CDH4: variants seen among roughly 807,000 people sequenced by gnomAD.
The protein encoded by CDH4 is cadherin 4.
CDH4 carries 33 observed loss-of-function variants against 86.0 expected under a neutral mutation model. That is an observed-to-expected ratio of 0.38 (90% CI 0.29 to 0.51). The LOEUF (loss-of-function observed/expected upper bound fraction) is 0.51. Ranked by LOEUF, CDH4 falls within the 20% of genes least tolerant of loss-of-function variation. The pLI is 0.86. For synonymous variants in CDH4, 555 were observed against 549.4 expected (o/e 1.01, Z -0.14); for missense variants, 1,114 against 1,307.4 (o/e 0.85, Z 2.28).
intron 2 of CDH4, among the ~76,000 whole-genome samples, chr20:61,597,644 G>T (rs764096382): frequency 2.0e-5 from 3 of 152,218 alleles, no homozygotes; most frequent in African/African-American, 7.2e-5. Flanking sequence ...GAGGCAGAGC[G>T]GCCCAAACAG....
chr20:61,755,647 C>T (rs539133757), intron 3 of CDH4, among the ~76,000 whole-genome samples: 12 of 151,644 alleles, frequency 7.9e-5, no homozygotes, highest in South Asian at 4.2e-4. Flanking sequence ...ACCACACACA[C>T]GGAGCATGTC....
chr20:61,724,296 C>G (rs1453716292), intron 2 of CDH4, among the ~76,000 whole-genome samples: 3 of 152,178 alleles, frequency 2.0e-5, no homozygotes, highest in African/African-American at 4.8e-5. Flanking sequence ...GTGCCAGCAG[C>G]AGGGCAGCCT....
intron 6 of CDH4, among the ~76,000 whole-genome samples, chr20:61,859,339 T>C (rs1036174241): frequency 6.6e-6 from 1 of 152,200 alleles, no homozygotes; most frequent in African/African-American, 2.4e-5. Context: ...TTTCTCCCAC[T>C]CAGTAACTTG....
intron 2 of CDH4, among the ~76,000 whole-genome samples, chr20:61,531,305 C>T (rs2085949772): frequency 6.6e-6 from 1 of 151,982 alleles, no homozygotes; most frequent in South Asian, 2.1e-4. Flanking sequence ...AACCCCGTCT[C>T]TACTAAAAAT....
At chr20:61,883,242 C>A (rs1984375197) in intron 7 of CDH4, among the ~76,000 whole-genome samples, 1 of 152,166 alleles carries the variant, frequency 6.6e-6, no homozygotes, top group African/African-American at 2.4e-5. Flanking sequence ...ATGTAGTGCA[C>A]TGAGTGCCCT....
At chr20:61,426,456 T>C (rs2085215818) in intron 2 of CDH4, among the ~76,000 whole-genome samples, 1 of 152,128 alleles carries the variant, frequency 6.6e-6, no homozygotes, top group African/African-American at 2.4e-5. Context: ...AGGGGTGTCC[T>C]GTGTGGAGGG....
chr20:61,387,626 A>C (rs6121684), intron 2 of CDH4, among the ~76,000 whole-genome samples: 2 of 151,980 alleles, frequency 1.3e-5, no homozygotes, highest in Non-Finnish European at 2.9e-5. Context: ...AAAAAGATAC[A>C]CACAGACACA....
intron 2 of CDH4, among the ~76,000 whole-genome samples, chr20:61,496,058 G>C (rs193181101): frequency 6.6e-6 from 1 of 152,138 alleles, no homozygotes; most frequent in Non-Finnish European, 1.5e-5. Flanking sequence ...CATACTTACA[G>C]AAAATCTGAG....
chr20:61,682,324 G>GAGA, intron 2 of CDH4, among the ~76,000 whole-genome samples: 1 of 151,462 alleles, frequency 6.6e-6, no homozygotes, highest in Middle Eastern at 3.2e-3. Flanking sequence ...AAGGAGAGAG[G>GAGA]GAGGGAGGGA....
intron 8 of CDH4, among the ~76,000 whole-genome samples, chr20:61,896,094 G>A (rs1336681826): frequency 1.3e-5 from 2 of 152,162 alleles, no homozygotes; most frequent in Non-Finnish European, 2.9e-5. Context: ...AGTCATGATA[G>A]CAATGACAGT....
chr20:61,707,188 A>G (rs944254), intron 2 of CDH4, among the ~76,000 whole-genome samples: 89,650 of 152,184 alleles, frequency 0.59, 26,870 homozygotes, highest in East Asian at 0.83. Flanking sequence ...CTGCTGAGCC[A>G]GTGGTCCTGA....
intron 2 of CDH4, among the ~76,000 whole-genome samples, chr20:61,552,574 C>A (rs73611535): frequency 0.048 from 7,358 of 152,242 alleles, 328 homozygotes; most frequent in East Asian, 0.23. Flanking sequence ...GTAGGACATA[C>A]CTGTAATCCC....
rs180705424 is a variant in CDH4, at chr20:61,301,376, A to G, written c.169+46439A>G. Among the ~76,000 whole-genome samples the G allele has an allele frequency of 2.4e-3, 371 of 152,300 alleles. 1 individual carries two copies. The highest frequency in any genetic ancestry group is 8.3e-3 in the African/African-American group (345 of 41,556). On this transcript the variant is annotated intron_variant, in intron 2 of 15. Transcript: ENST00000614565. Reference sequence around the variant, plus strand: ...TTTGGGAAAACAGCAGCCATGTTTGAAAACACATTGCCCCTTTATTTAAAT... The same window carrying G: ...TTTGGGAAAACAGCAGCCATGTTTGGAAACACATTGCCCCTTTATTTAAAT...
chr20:61,853,179 T>A (rs1364305338), intron 6 of CDH4, among the ~76,000 whole-genome samples: 1 of 152,078 alleles, frequency 6.6e-6, no homozygotes, highest in African/African-American at 2.4e-5. Flanking sequence ...GGGACAGCGG[T>A]GGGCCTGGGC....
chr20:61,274,926 G>A (rs1466746597), intron 2 of CDH4, among the ~76,000 whole-genome samples: 1 of 148,334 alleles, frequency 6.7e-6, no homozygotes, highest in Non-Finnish European at 1.5e-5. Context: ...GGAGTACTGT[G>A]CACAGTTTGG....
chr20:61,792,346 T>G (rs915819907), intron 4 of CDH4, among the ~76,000 whole-genome samples: 1 of 152,112 alleles, frequency 6.6e-6, no homozygotes, highest in African/African-American at 2.4e-5. Flanking sequence ...ACTGTGCACA[T>G]CTGTCCCCCC....
In CDH4 at chr20:61,645,417, A is replaced by G. The variant is rs1326522939; in HGVS notation, c.170-98146A>G. On this transcript the variant is annotated intron_variant, in intron 2 of 15. Coordinates refer to ENST00000614565, the MANE Select transcript of CDH4 (RefSeq NM_001794.5). ...TGAGGTGGGAGGATCACTTGAGCCC[A>G]GGAGTTTGAAACCAGCTGAGGCAAC... 3.3e-5 allele frequency among the ~76,000 whole-genome samples: 5 copies of G among 152,180 alleles called. No individual in the cohort carries two copies. The East Asian group carries it at 7.7e-4, about 23-fold the overall frequency.
chr20:61,742,142 G>T (rs1004963602), intron 2 of CDH4, among the ~76,000 whole-genome samples: 6 of 150,966 alleles, frequency 4.0e-5, no homozygotes, highest in Admixed American at 4.0e-4. Flanking sequence ...AAAAAAAAAT[G>T]TAATGATTCC....
rs150541978 is a variant in CDH4, at chr20:61,272,668, A to G, written c.169+17731A>G. 8.1e-3 allele frequency among the ~76,000 whole-genome samples: 1,230 copies of G among 152,062 alleles called. 21 individuals carry two copies. The highest frequency in any genetic ancestry group is 0.026 in the South Asian group (123 of 4,802). ...ACCATGGGCAGTTTGAGGGAGTACT[A>G]TGCACAGTTTGGGGAAGTACCCTGG... On this transcript the variant is annotated intron_variant, in intron 2 of 15. Coordinates refer to ENST00000614565, the MANE Select transcript of CDH4 (RefSeq NM_001794.5).
Sources: allele counts gnomAD v4.1 joint callset (sites outside exome capture counted in the v4.1 genomes callset), GRCh38; gene constraint gnomAD v4.1.1; transcripts MANE v1.5; gene names NCBI Gene and HGNC (gene_info 2026-07-23, HGNC 2026-07-21).